Variants in RAD17 observed in about 807,000 individuals in gnomAD.
RAD17 encodes the protein RAD17 checkpoint clamp loader component, also known as cell cycle checkpoint protein RAD17.
Under a neutral mutation model 81.5 loss-of-function variants are expected in RAD17, and 31 were observed. That is an observed-to-expected ratio of 0.38 (90% CI 0.29 to 0.51). The LOEUF is 0.51. Among genes scored for constraint, RAD17 ranks in the 20% least tolerant of loss-of-function variants. The pLI is 0.88. For synonymous variants in RAD17, 261 were observed against 266.2 expected, an observed-to-expected ratio of 0.98 and a Z score of 0.19; for missense variants, 681 against 781.2, an observed-to-expected ratio of 0.87 and a Z score of 1.53.
rs1201282957 is a variant in RAD17, at chr5:69,414,156, T to C, written c.1877T>C (p.Val626Ala). 1.2e-6 allele frequency: 2 copies of C among 1,614,112 alleles called. No individual in the cohort carries two copies. The highest frequency in any genetic ancestry group is 2.7e-5 in the African/African-American group (2 of 74,936). ...CTGGGTGAACCCACTCAAGCCACTGTGCCGGAAACCTGGTCTCTTCCTTTG... is the reference window on the plus strand; with the variant it reads ...CTGGGTGAACCCACTCAAGCCACTGCGCCGGAAACCTGGTCTCTTCCTTTG... ...ESLGEPTQAT[V>A]PETWSLPLSQ... Residue 626 changes from valine (V) to alanine (A), a missense_variant, in exon 19 of 19, where the codon GTG (valine) becomes GCG (alanine). Val to Ala is a moderately conservative substitution (Grantham distance 64). Coordinates refer to ENST00000354868, the MANE Select transcript of RAD17 (RefSeq NM_133338.3).
chr5:69,369,872 C>G lies in RAD17; in HGVS notation c.-478C>G. 1.5e-6 allele frequency: 1 copy of G among 650,208 alleles called. No homozygotes were observed. The highest frequency in any genetic ancestry group is 3.0e-5 in the Admixed American group (1 of 33,146). 40.3% of individuals were successfully genotyped at this position (650,208 alleles called of 1,614,324 possible). On this transcript the variant is annotated 5_prime_UTR_variant, in exon 1 of 19. Coordinates refer to ENST00000354868, the MANE Select transcript of RAD17 (RefSeq NM_133338.3). ...GGGTAGGGCCAGGTGGCTGCCCTTTCACCTAGGGTAGTCCCTGGTCGCCTC... is the reference window on the plus strand; with the variant it reads ...GGGTAGGGCCAGGTGGCTGCCCTTTGACCTAGGGTAGTCCCTGGTCGCCTC...
intron 17 of RAD17, among the ~76,000 whole-genome samples, chr5:69,405,471 A>T (rs1435151774): frequency 6.6e-6 from 1 of 151,626 alleles, no homozygotes; most frequent in Non-Finnish European, 1.5e-5. Context: ...GTTCGAGACT[A>T]GCCTGACCAA....
At chr5:69,404,490 G>A (rs1483553173) in intron 17 of RAD17, among the ~76,000 whole-genome samples, 2 of 151,482 alleles carry the variant, frequency 1.3e-5, no homozygotes, top group Admixed American at 6.6e-5. Flanking sequence ...AAAATTGGCC[G>A]GGCACGGTGG....
At position 69,414,263 on chromosome 5, in the gene RAD17, A is replaced by T. The variant is rs1561283954; in HGVS notation, c.1984A>T (p.Ile662Leu). Residue 662 changes from isoleucine (I) to leucine (L), a missense_variant, in exon 19 of 19, where the codon ATA (isoleucine) becomes TTA (leucine). Physicochemically the swap from Ile to Leu is conservative, Grantham distance 5. Coordinates refer to ENST00000354868, the MANE Select transcript of RAD17 (RefSeq NM_133338.3). ...AQGDMEENIIIEDYESDGT is the reference protein window; with the variant it reads ...AQGDMEENIILEDYESDGT ...AGGAGACATGGAAGAAAACATAATA[A>T]TAGAAGACTACGAGAGTGATGGGAC... 2 of 1,614,126 alleles carry T rather than the reference A, an allele frequency of 1.2e-6. No homozygotes were observed. Among genetic ancestry groups the T allele is most frequent in the East Asian group, 4.5e-5 (2 of 44,882 alleles).
upstream of RAD17, chr5:69,369,615 C>G: frequency 6.3e-7 from 1 of 1,575,958 alleles, no homozygotes; most frequent in Non-Finnish European, 8.6e-7. Flanking sequence ...ACCGCGGCGC[C>G]CCTAGCCTGC....
rs765480275 is a variant in RAD17 at position 69,391,912 on chromosome 5, A to G, written c.1088A>G (p.Lys363Arg). 1.9e-6 allele frequency: 3 copies of G among 1,596,212 alleles called. No homozygotes were observed. The African/African-American group carries it at 4.1e-5, about 22-fold the overall frequency. The change falls in exon 13 of 19, where the codon AAA (lysine) becomes AGA (arginine). Residue 363 changes from lysine to arginine, a missense_variant. By Grantham distance (26) the Lys-to-Arg change is conservative. Coordinates refer to ENST00000354868, the MANE Select transcript of RAD17 (RefSeq NM_133338.3). Reference sequence around the variant, plus strand: ...CTGTCAAAATCAAAACGAAGAAAAAAACCTGATAGGGTTTTTGAAAATCAA... The same window carrying G: ...CTGTCAAAATCAAAACGAAGAAAAAGACCTGATAGGGTTTTTGAAAATCAA... ...AVLSKSKRRK[K>R]PDRVFENQEV...
In RAD17 at chr5:69,391,977, C is replaced by A. The variant is rs747693985; in HGVS notation, c.1153C>A (p.Leu385Ile). Reference sequence around the variant, plus strand: ...TGGTGGCAAAGATGTTTCTCTGTTTCTCTTCAGAGCTTTGGGGAAAATTCT... The same window carrying A: ...TGGTGGCAAAGATGTTTCTCTGTTTATCTTCAGAGCTTTGGGGAAAATTCT... ...AIGGKDVSLF[L>I]FRALGKILYC... The change falls in exon 13 of 19, where the codon CTC becomes ATC. Residue 385 changes from leucine to isoleucine, a missense_variant. Leu to Ile is a conservative substitution (Grantham distance 5). Transcript: ENST00000354868. 3.9e-6 allele frequency: 6 copies of A among 1,555,402 alleles called. No individual in the cohort carries two copies. Among genetic ancestry groups the A allele is most frequent in the Non-Finnish European group, 5.2e-6 (6 of 1,160,490 alleles).
intron 12 of RAD17, among the ~76,000 whole-genome samples, chr5:69,389,750 C>G (rs551292904): frequency 6.6e-6 from 1 of 152,216 alleles, no homozygotes; most frequent in East Asian, 1.9e-4. Flanking sequence ...ACAGCATTCT[C>G]CTGCCTCAGC....
At chr5:69,398,699 A>C (rs1238023477) in intron 16 of RAD17, among the ~76,000 whole-genome samples, 2 of 151,536 alleles carry the variant, frequency 1.3e-5, no homozygotes, top group Admixed American at 1.3e-4. Flanking sequence ...CCAGCTACTC[A>C]GGAGGCCGAA....
At chr5:69,379,007 C>T (rs749719484) in intron 6 of RAD17, among the ~76,000 whole-genome samples, 88 of 152,178 alleles carry the variant, frequency 5.8e-4, no homozygotes, top group South Asian at 4.2e-4. Flanking sequence ...TTTGGGAGGT[C>T]GAGGTGGGTG....
chr5:69,385,943 T>G, intron 8 of RAD17, 100 bp from the exon 9 acceptor site: 1 of 1,158,506 alleles, frequency 8.6e-7, no homozygotes, highest in Non-Finnish European at 1.1e-6. Context: ...TAAAATACAT[T>G]GAATAAATAT....
chr5:69,403,644 G>A (rs1045850135), intron 17 of RAD17, among the ~76,000 whole-genome samples: 1 of 152,166 alleles, frequency 6.6e-6, no homozygotes, highest in African/African-American at 2.4e-5. Context: ...TCTGGGCCAG[G>A]CATGGCGGCT....
intron 6 of RAD17, among the ~76,000 whole-genome samples, chr5:69,377,469 A>ATG (rs1561238856): frequency 0.023 from 140 of 6,030 alleles, 38 homozygotes; most frequent in Admixed American, 0.061. Context: ...ATATATATAT[A>ATG]TATATACACA....
chr5:69,412,863 C>T (rs577217227), intron 18 of RAD17, among the ~76,000 whole-genome samples: 5 of 151,784 alleles, frequency 3.3e-5, no homozygotes, highest in East Asian at 2.0e-4. Context: ...GTGGTGCCCG[C>T]GTGTAATCCC....
At chr5:69,395,483 G>T (rs1663142291) in intron 15 of RAD17, among the ~76,000 whole-genome samples, 1 of 152,172 alleles carries the variant, frequency 6.6e-6, no homozygotes, top group Admixed American at 6.5e-5. Context: ...CCACATTCCA[G>T]GCTGGGCAAC....
Position 69,377,437 on chromosome 5 carries a change from GTGTATATA to G in RAD17, c.351+2728_351+2735del, listed in dbSNP as rs1374915879. The stretch of plus-strand genomic sequence containing the variant: ...TAGGTATATGTGTGTGTGTGTGTGT[GTGTATATA>G]TATATATATATATATATATATATAT... On this transcript the variant is annotated intron_variant, in intron 6 of 18. Transcript: ENST00000354868. Among the ~76,000 whole-genome samples, 219 of 25,754 alleles carry G rather than the reference GTGTATATA, an allele frequency of 8.5e-3. 8 individuals are homozygous for G. Among genetic ancestry groups the G allele is most frequent in the Middle Eastern group, 0.048 (2 of 42 alleles). 16.9% of individuals were successfully genotyped at this position (25,754 alleles called of 152,430 possible).
chr5:69,395,293 T>G (rs1764813832), intron 15 of RAD17, among the ~76,000 whole-genome samples: 1 of 152,194 alleles, frequency 6.6e-6, no homozygotes, highest in Non-Finnish European at 1.5e-5. Context: ...GGAAGATCAC[T>G]TGAGGCCAGA....
intron 17 of RAD17, among the ~76,000 whole-genome samples, chr5:69,403,080 C>G (rs1490432465): frequency 1.3e-5 from 2 of 152,152 alleles, no homozygotes; most frequent in Non-Finnish European, 2.9e-5. Context: ...CTCAAGCAAT[C>G]CTCTTGCCTC....
rs1477863141 is a variant in RAD17, at chr5:69,371,269, TAC to T, written c.-280+100_-280+101del. 15 of 575,904 alleles carry T rather than the reference TAC, an allele frequency of 2.6e-5. No individual in the cohort carries two copies. The East Asian group carries it at 3.3e-4, about 13-fold the overall frequency. The allele number at this position is 575,904 out of a possible 1,614,324, so 35.7% of individuals were successfully genotyped here. ...TTAACACCACAAGTAGATTATTTGA[TAC>T]AGTTATAGTCATTAAAATTATTTTA... On this transcript the variant is annotated intron_variant, in intron 2 of 18. Transcript: ENST00000354868.
Sources: gnomAD v4.1 joint callset for allele counts (sites outside exome capture counted in the v4.1 genomes callset) on GRCh38, gnomAD v4.1.1 for gene constraint, MANE v1.5 for transcripts, NCBI Gene and HGNC (gene_info 2026-07-23, HGNC 2026-07-21) for gene names.